Variants in LETMD1 observed in about 807,000 individuals in gnomAD.
LETMD1 encodes LETM1 domain-containing protein 1.
LETMD1 carries 30 observed loss-of-function variants against 43.9 expected under a neutral mutation model. The ratio of observed to expected loss-of-function variants is 0.68; its 90% confidence interval spans 0.51 to 0.93. LETMD1 has a LOEUF of 0.93. LETMD1 is among the 40% of genes least tolerant of loss of function. LETMD1 has a pLI of 0.00. For missense variants in LETMD1, 413 were observed against 447.7 expected (o/e 0.92, Z 0.70); for synonymous variants, 176 against 163.1 (o/e 1.08, Z -0.60).
chr12:51,049,352 T>C lies in LETMD1; in HGVS notation c.274+167T>C. ...ACTAATTCCTATAAATTAGCACTTC[T>C]TGAGAATGTTTCTAGAAAGATGTTA... On this transcript the variant is annotated intron_variant, in intron 2 of 8. Coordinates refer to ENST00000262055, the MANE Select transcript of LETMD1 (RefSeq NM_015416.5). 5 of 555,098 alleles carry C rather than the reference T, an allele frequency of 9.0e-6. No homozygotes were observed. The East Asian group carries it at 1.5e-4, about 16-fold the overall frequency. The allele number at this position is 555,098 out of a possible 1,614,324, so 34.4% of individuals were successfully genotyped here. A position where few individuals can be genotyped will look rare whatever the true frequency, so the allele number is the denominator to read the frequency against.
chr12:51,064,528 C>T, downstream of LETMD1: 1 of 1,613,416 alleles, frequency 6.2e-7, no homozygotes, highest in Non-Finnish European at 8.5e-7. Flanking sequence ...GGGCGGCTCA[C>T]CTGCCGCTTG....
At chr12:51,058,449 G>A (rs1373815762) in intron 8 of LETMD1, 10 of 248,898 alleles carry the variant, frequency 4.0e-5, no homozygotes, top group South Asian at 2.1e-4. Flanking sequence ...ACGGGGTTTC[G>A]CTCTTGTTGC....
intron 6 of LETMD1, 51 bp downstream of exon 6, chr12:51,056,296 G>A: frequency 6.2e-7 from 1 of 1,613,614 alleles, no homozygotes; most frequent in Non-Finnish European, 8.5e-7. Flanking sequence ...TGTTTCAGGT[G>A]TTTGCTTGAG....
At chr12:51,068,937 A>G in the LETMD1 span, among the ~76,000 whole-genome samples, 2 of 152,246 alleles carry the variant, frequency 1.3e-5, no homozygotes, top group African/African-American at 2.4e-5. Context: ...GGTATTAAAG[A>G]AAGCCCTTGG....
chr12:51,061,035 C>G (rs921655513), downstream of LETMD1, among the ~76,000 whole-genome samples: 4 of 152,148 alleles, frequency 2.6e-5, no homozygotes, highest in Middle Eastern at 3.4e-3. Flanking sequence ...TGAACCAAGT[C>G]CAGCTCTTGG....
chr12:51,063,922 G>A (rs1444626686), downstream of LETMD1: 1 of 1,613,936 alleles, frequency 6.2e-7, no homozygotes. Flanking sequence ...CAATCTTCGG[G>A]CAATAGAGCT....
rs1253458585 is a variant in LETMD1, at chr12:51,049,109, G to A, written c.198G>A (p.Ala66=). 10 of 1,613,674 alleles carry A rather than the reference G, an allele frequency of 6.2e-6. No individual in the cohort carries two copies. The highest frequency in any genetic ancestry group is 1.3e-5 in the African/African-American group (1 of 74,910). ...CTTATGTGGTAACCAAGACAAAAGC[G>A]ATTAATGGGAAATACCATCGTTTCT... is the stretch of plus-strand genomic sequence containing the variant. ...LMSYVVTKTK[A]INGKYHRFLG... Residue 66 remains alanine, a synonymous_variant, in exon 2 of 9, where the codon GCG becomes GCA. Coordinates refer to ENST00000262055, the MANE Select transcript of LETMD1 (RefSeq NM_015416.5).
At chr12:51,062,455 A>G (rs879543484), downstream of LETMD1, 3 of 152,254 alleles carry the variant, frequency 2.0e-5, no homozygotes, top group Non-Finnish European at 4.4e-5. Flanking sequence ...CAGGATGAAC[A>G]GGAACTGTAT....
chr12:51,048,252 C>A (rs768521398), upstream of LETMD1: 2 of 1,489,830 alleles, frequency 1.3e-6, no homozygotes. Flanking sequence ...GCTATGGCTA[C>A]CAATCAGCGC....
chr12:51,062,246 G>T (rs897570315), downstream of LETMD1: 2 of 152,192 alleles, frequency 1.3e-5, no homozygotes, highest in Admixed American at 1.3e-4. Flanking sequence ...AGATAAGTAG[G>T]AGTAGTGTCT....
intron 2 of LETMD1, among the ~76,000 whole-genome samples, chr12:51,050,003 A>T (rs1034163892): frequency 2.0e-5 from 3 of 152,216 alleles, no homozygotes; most frequent in Admixed American, 6.5e-5. Context: ...TTGCTTTTGC[A>T]CCAAATCTAT....
rs376344792 is a variant in LETMD1 at position 51,052,220 on chromosome 12, G to A, written c.390+13G>A. On this transcript the variant is annotated intron_variant, in intron 3 of 8. Coordinates refer to ENST00000262055, the MANE Select transcript of LETMD1 (RefSeq NM_015416.5). Reference sequence around the variant, plus strand: ...GCATTTGAGACAGGTATGGGCCAGGGGCAGATATCCAGAAGTTCATGGTGA... The same window carrying A: ...GCATTTGAGACAGGTATGGGCCAGGAGCAGATATCCAGAAGTTCATGGTGA... 18 of 1,613,182 alleles carry A rather than the reference G, an allele frequency of 1.1e-5. No homozygotes were observed. The highest frequency in any genetic ancestry group is 9.3e-5 in the African/African-American group (7 of 74,876).
At chr12:51,068,039 A>G in the LETMD1 span, 1 of 1,443,930 alleles carries the variant, frequency 6.9e-7, no homozygotes, top group South Asian at 1.3e-5. Flanking sequence ...ACCATCCCAG[A>G]GCAGCACTGT....
At chr12:51,060,961 A>G (rs1948810271), downstream of LETMD1, among the ~76,000 whole-genome samples, 1 of 151,918 alleles carries the variant, frequency 6.6e-6, no homozygotes, top group Admixed American at 6.6e-5. Context: ...GAGTAGGGAC[A>G]GGGCTAAGCT....
downstream of LETMD1, chr12:51,063,016 CTT>C (rs1346772065): frequency 6.6e-6 from 1 of 152,166 alleles, no homozygotes; most frequent in African/African-American, 2.4e-5. Context: ...CAATCCAGCT[CTT>C]TCTCCGAAGG....
At chr12:51,063,794 C>A, downstream of LETMD1, 1 of 1,598,778 alleles carries the variant, frequency 6.3e-7, no homozygotes, top group Non-Finnish European at 8.5e-7. Context: ...GGGGCCGATC[C>A]TCATTCTGCT....
At chr12:51,049,438 T>G in intron 2 of LETMD1, 1 of 388,308 alleles carries the variant, frequency 2.6e-6, no homozygotes, top group Non-Finnish European at 4.7e-6. Flanking sequence ...TCTCGTACTT[T>G]CTTAACCACA....
At chr12:51,061,065 T>A (rs1415962258), downstream of LETMD1, 4 of 152,142 alleles carry the variant, frequency 2.6e-5, no homozygotes. Flanking sequence ...GAGAATATTC[T>A]ATTTTTCCAT....
At chr12:51,064,053 G>C (rs1937848564), downstream of LETMD1, 3 of 1,614,252 alleles carry the variant, frequency 1.9e-6, no homozygotes, top group Non-Finnish European at 2.5e-6. Flanking sequence ...CTTTGGGAAA[G>C]AGGCTGAGCC....
Sources: allele counts gnomAD v4.1 joint callset (sites outside exome capture counted in the v4.1 genomes callset), GRCh38; gene constraint gnomAD v4.1.1; transcripts MANE v1.5; gene names NCBI Gene and HGNC (gene_info 2026-07-23, HGNC 2026-07-21).